Variants in CD5L observed in about 807,000 individuals in gnomAD.
The protein encoded by CD5L is CD5 antigen-like.
CD5L carries 39 observed loss-of-function variants against 40.8 expected under a neutral mutation model. The observed-to-expected ratio is 0.96, with a 90% CI of 0.74 to 1.25. The LOEUF is 1.25. CD5L is among the 50% of genes most tolerant of loss of function. The probability of loss-of-function intolerance (pLI) is 0.00; values close to 1 mark genes in which losing one functional copy is unlikely to be tolerated. For synonymous variants in CD5L, 192 were observed against 169.6 expected, an observed-to-expected ratio of 1.13 and a Z score of -1.03; for missense variants, 433 against 435.9, an observed-to-expected ratio of 0.99 and a Z score of 0.06.
At chr1:157,833,856 C>A (rs1035921897) in intron 4 of CD5L, among the ~76,000 whole-genome samples, 25 of 151,424 alleles carry the variant, frequency 1.7e-4, no homozygotes, top group African/African-American at 6.1e-4. Flanking sequence ...AGTGCTCCTC[C>A]CACCTCGGCT....
rs373277219 is a variant in CD5L at position 157,834,616 on chromosome 1, C to T, written c.509G>A (p.Arg170Gln). Reference protein sequence around the residue: ...YTVCQTGWSLRAAKVVCRQLG... With the variant: ...YTVCQTGWSLQAAKVVCRQLG... The stretch of plus-strand genomic sequence containing the variant: ...CTGCCGGCACACCACCTTTGCGGCC[C>T]GGAGGCTCCAGCCTGTCTGGCACAC... The change falls in exon 4 of 6, where the codon CGG becomes CAG. Residue 170 changes from arginine (R) to glutamine (Q), a missense_variant. Arg to Gln is a conservative substitution (Grantham distance 43, BLOSUM62 1). Coordinates refer to ENST00000368174, the MANE Select transcript of CD5L (RefSeq NM_005894.3). 23 of 1,614,052 alleles carry T rather than the reference C, an allele frequency of 1.4e-5. No individual in the cohort carries two copies. The highest frequency in any genetic ancestry group is 1.9e-5 in the Non-Finnish European group (22 of 1,180,038).
chr1:157,830,947 G>GTAAATTT lies in CD5L; in HGVS notation c.*1016_*1017insAAATTTA. ...GTGAAATCTGATTTATTAGATAAGTGTAAATGTGTAAATGTAGCCGTATAA... is the reference window on the plus strand; with the variant it reads ...GTGAAATCTGATTTATTAGATAAGTGTAAATTTTAAATGTGTAAATGTAGCCGTATAA... On this transcript the variant is annotated 3_prime_UTR_variant, in exon 6 of 6. Transcript: ENST00000368174. The GTAAATTT allele has an allele frequency of 1.0e-6, 1 of 985,110 alleles. No individual in the cohort carries two copies. The highest frequency in any genetic ancestry group is 1.2e-6 in the Non-Finnish European group (1 of 829,652). The allele number at this position is 985,110 out of a possible 1,614,324, so 61.0% of individuals were successfully genotyped here.
At chr1:157,835,756 G>T in intron 3 of CD5L, 79 bp downstream of exon 3, 3 of 1,178,000 alleles carry the variant, frequency 2.5e-6, no homozygotes, top group South Asian at 2.8e-5. Context: ...AACGTCTATG[G>T]TAGGGAATGA....
rs756244785 is a variant in CD5L, at chr1:157,835,889, G to C, written c.322C>G (p.Gln108Glu). The C allele has an allele frequency of 3.1e-6, 5 of 1,614,006 alleles. No homozygotes were observed. The highest frequency in any genetic ancestry group is 1.7e-5 in the Admixed American group (1 of 60,004). ...GTEDTLAQCE[Q>E]EEVYDCSHDE... ...TGTGAACAATCATAAACTTCTTCTT[G>C]CTCACACTGAGCCAATGTATCTTCT... The change falls in exon 3 of 6, where the codon CAA becomes GAA. Residue 108 changes from glutamine to glutamate, a missense_variant. By Grantham distance (29) the Gln-to-Glu change is conservative. Transcript: ENST00000368174.
intron 2 of CD5L, among the ~76,000 whole-genome samples, chr1:157,838,198 C>T (rs1237293014): frequency 1.3e-5 from 2 of 152,060 alleles, no homozygotes; most frequent in Non-Finnish European, 2.9e-5. Context: ...CTAGAGATAG[C>T]AATTAAAAGT....
chr1:157,830,599 C>T (rs1009071281), downstream of CD5L, among the ~76,000 whole-genome samples: 3 of 152,122 alleles, frequency 2.0e-5, no homozygotes, highest in East Asian at 1.9e-4. Context: ...CAGTGTGGTT[C>T]TGGGTTAGAA....
At chr1:157,841,539 C>T (rs1340974249) in intron 1 of CD5L, 135 bp downstream of exon 1, 2 of 702,900 alleles carry the variant, frequency 2.8e-6, no homozygotes, top group South Asian at 4.1e-5. Context: ...AGAATAGTTA[C>T]CAAATGTAAA....
chr1:157,835,652 T>C (rs938698536), intron 3 of CD5L, among the ~76,000 whole-genome samples, 183 bp downstream of exon 3: 3 of 152,176 alleles, frequency 2.0e-5, no homozygotes, highest in Admixed American at 6.5e-5. Context: ...CAAGTAGGAA[T>C]TGCAGTTCTA....
At chr1:157,840,036 T>C (rs1233068431) in intron 1 of CD5L, among the ~76,000 whole-genome samples, 1 of 152,266 alleles carries the variant, frequency 6.6e-6, no homozygotes, top group Non-Finnish European at 1.5e-5. Context: ...ATTAAACCTT[T>C]ATTAGACACT....
Position 157,831,276 on chromosome 1 carries a change from A to T in CD5L, c.*688T>A, listed in dbSNP as rs1255355415. On this transcript the variant is annotated 3_prime_UTR_variant, in exon 6 of 6. Coordinates refer to ENST00000368174, the MANE Select transcript of CD5L (RefSeq NM_005894.3). Reference sequence around the variant, plus strand: ...GGCAGGTTGTATAGGGATGGACAACAAAGATTTTTATTGGGGCAATCAGAG... The same window carrying T: ...GGCAGGTTGTATAGGGATGGACAACTAAGATTTTTATTGGGGCAATCAGAG... 1 of 985,268 alleles carries T rather than the reference A, an allele frequency of 1.0e-6. No homozygotes were observed. Among genetic ancestry groups the T allele is most frequent in the Non-Finnish European group, 1.2e-6 (1 of 829,906 alleles). The allele number at this position is 985,268 out of a possible 1,614,324, so 61.0% of individuals were successfully genotyped here.
At chr1:157,836,197 T>G in intron 2 of CD5L, 42 bp from the exon 3 acceptor site, 1 of 1,545,110 alleles carries the variant, frequency 6.5e-7, no homozygotes, top group Non-Finnish European at 8.8e-7. Flanking sequence ...TGAGAGGAGC[T>G]CAGAGGGTCC....
chr1:157,838,903 A>G (rs1213683938), intron 2 of CD5L, among the ~76,000 whole-genome samples: 1 of 152,172 alleles, frequency 6.6e-6, no homozygotes, highest in East Asian at 1.9e-4. Flanking sequence ...TCATTTGTGC[A>G]TTACCCAAAG....
chr1:157,835,924 C>T lies in CD5L; in HGVS notation c.287G>A (p.Cys96Tyr). The T allele has an allele frequency of 6.2e-7, 1 of 1,614,184 alleles. No homozygotes were observed. Among genetic ancestry groups the T allele is most frequent in the Non-Finnish European group, 8.5e-7 (1 of 1,180,006 alleles). ...AGCCAATGTATCTTCTGTTCCTGTG[C>T]AACTGACTGATTGGATGAGGACCTT... Reference protein sequence around the residue: ...EQKVLIQSVSCTGTEDTLAQC... With the variant: ...EQKVLIQSVSYTGTEDTLAQC... The change falls in exon 3 of 6, where the codon TGC becomes TAC. Residue 96 changes from cysteine (C) to tyrosine (Y), a missense_variant. Physicochemically the swap from Cys to Tyr is radical, Grantham distance 194. Transcript: ENST00000368174.
chr1:157,838,963 C>A (rs987826314), intron 2 of CD5L, among the ~76,000 whole-genome samples: 1 of 152,236 alleles, frequency 6.6e-6, no homozygotes, highest in African/African-American at 2.4e-5. Context: ...AAGCTATGTG[C>A]TGCAAGCAAC....
At position 157,839,363 on chromosome 1, in the gene CD5L, A is replaced by G. The variant is rs778142876; in HGVS notation, c.55+21T>C. On this transcript the variant is annotated intron_variant, in intron 2 of 5. Coordinates refer to ENST00000368174, the MANE Select transcript of CD5L (RefSeq NM_005894.3). Reference sequence around the variant, plus strand: ...CTCCTAAGCTTGAGGCCTCCCTCTCAGAAACCCCCAAAAATCTTACCTAGG... The same window carrying G: ...CTCCTAAGCTTGAGGCCTCCCTCTCGGAAACCCCCAAAAATCTTACCTAGG... 6 of 1,613,610 alleles carry G rather than the reference A, an allele frequency of 3.7e-6. No individual in the cohort carries two copies. In the Admixed American group the frequency reaches 1.0e-4, roughly 27 times the overall value.
At position 157,834,421 on chromosome 1, in the gene CD5L, C is replaced by T. The variant is rs753043494; in HGVS notation, c.704G>A (p.Trp235Ter). 8.1e-6 allele frequency: 13 copies of T among 1,613,108 alleles called. No individual in the cohort carries two copies. Among genetic ancestry groups the T allele is most frequent in the Non-Finnish European group, 1.1e-5 (13 of 1,179,390 alleles). Residue 235 changes from tryptophan (W) to a stop codon, truncating the protein, a stop_gained, in exon 4 of 6, where the codon TGG becomes TAG. Coordinates refer to ENST00000368174, the MANE Select transcript of CD5L (RefSeq NM_005894.3). LOFTEE classifies it high-confidence loss of function. ...ACAGGCATTACCTTCACATTCGACC[C>T]ACGTGTCTTCATCATGGTTGCAGGT... ...KNTCNHDEDT[W>*]VECEDPFDLR...
Position 157,836,022 on chromosome 1 carries a change from C to A in CD5L, c.189G>T (p.Arg63=), listed in dbSNP as rs769603651. Residue 63 remains arginine, a synonymous_variant, in exon 3 of 6, where the codon CGG becomes CGT. Coordinates refer to ENST00000368174, the MANE Select transcript of CD5L (RefSeq NM_005894.3). The part of the protein sequence containing the change: ...WDIKDVAVLC[R]ELGCGAASGT... Reference sequence around the variant, plus strand: ...CGCTGGCAGCTCCACAGCCCAGCTCCCGGCACAACACAGCCACGTCCTTAA... The same window carrying A: ...CGCTGGCAGCTCCACAGCCCAGCTCACGGCACAACACAGCCACGTCCTTAA... The A allele has an allele frequency of 1.2e-6, 2 of 1,614,056 alleles. No individual in the cohort carries two copies. Among genetic ancestry groups the A allele is most frequent in the South Asian group, 1.1e-5 (1 of 91,084 alleles).
downstream of CD5L, among the ~76,000 whole-genome samples, chr1:157,829,383 C>A (rs530036663): frequency 1.3e-5 from 2 of 152,164 alleles, no homozygotes; most frequent in Admixed American, 1.3e-4. Context: ...AAAGAGGAAG[C>A]ATGAATAGCT....
At chr1:157,835,405 A>G (rs188881931) in intron 3 of CD5L, among the ~76,000 whole-genome samples, 62 of 152,338 alleles carry the variant, frequency 4.1e-4, no homozygotes, top group Admixed American at 2.9e-3. Context: ...TTAGTTTCCT[A>G]TGAGTATCTC....
Sources: gnomAD v4.1 joint callset for allele counts (sites outside exome capture counted in the v4.1 genomes callset) on GRCh38, gnomAD v4.1.1 for gene constraint, MANE v1.5 for transcripts, NCBI Gene and HGNC (gene_info 2026-07-23, HGNC 2026-07-21) for gene names.